Variants in DGKH observed in about 807,000 individuals in gnomAD.
DGKH encodes the protein DAG kinase eta.
Under a neutral mutation model 159.3 loss-of-function variants are expected in DGKH, and 90 were observed. The observed-to-expected ratio is 0.57, with a 90% confidence interval of 0.48 to 0.67. DGKH has a LOEUF of 0.67. Ranked by LOEUF, DGKH falls within the 30% of genes least tolerant of loss-of-function variation. DGKH has a pLI of 0.00. For missense variants in DGKH, 1,181 were observed against 1,506.1 expected, an observed-to-expected ratio of 0.78 and a Z score of 3.57; for synonymous variants, 536 against 553.8, an observed-to-expected ratio of 0.97 and a Z score of 0.45.
intron 15 of DGKH, among the ~76,000 whole-genome samples, chr13:42,189,948 G>A (rs890032219): frequency 2.0e-5 from 3 of 152,062 alleles, no homozygotes; most frequent in African/African-American, 7.2e-5. Context: ...GATTACAGGC[G>A]TGAACCACTG....
At position 42,209,085 on chromosome 13, in the gene DGKH, C is replaced by T. The variant is rs762280489; in HGVS notation, c.2715+13C>T. On this transcript the variant is annotated intron_variant, in intron 22 of 29. Coordinates refer to ENST00000337343, the MANE Select transcript of DGKH (RefSeq NM_178009.5). ...TCGAATAGCCCAGGTTGGTTTCTCT[C>T]GTCAAACCTGACTGCACTTCTTGGG... is the stretch of plus-strand genomic sequence containing the variant. 14 of 1,602,422 alleles carry T rather than the reference C, an allele frequency of 8.7e-6. No homozygotes were observed. In the Admixed American group the frequency reaches 1.7e-4, roughly 19 times the overall value.
Position 42,238,907 on chromosome 13 carries a change from A to T in DGKH, c.*9719A>T, listed in dbSNP as rs1473422633. 1 of 152,150 alleles carries T rather than the reference A, an allele frequency of 6.6e-6. No individual in the cohort carries two copies. The highest frequency in any genetic ancestry group is 1.5e-5 in the Non-Finnish European group (1 of 67,994). The allele number at this position is 152,150 out of a possible 1,614,324, so 9.4% of individuals were successfully genotyped here. ...GGTTTCTTTGCTAAATCTGATATTTATTATAGTATAATATGATAATTTGGA... is the reference window on the plus strand; with the variant it reads ...GGTTTCTTTGCTAAATCTGATATTTTTTATAGTATAATATGATAATTTGGA... On this transcript the variant is annotated 3_prime_UTR_variant, in exon 30 of 30. Coordinates refer to ENST00000337343, the MANE Select transcript of DGKH (RefSeq NM_178009.5).
At chr13:42,056,559 A>G (rs866105587) in intron 1 of DGKH, among the ~76,000 whole-genome samples, 1 of 152,224 alleles carries the variant, frequency 6.6e-6, no homozygotes, top group Non-Finnish European at 1.5e-5. Context: ...ACAGTTACCT[A>G]AATTTTATAA....
At chr13:42,224,010 C>T (rs1958055094) in intron 29 of DGKH, among the ~76,000 whole-genome samples, 1 of 152,164 alleles carries the variant, frequency 6.6e-6, no homozygotes, top group Non-Finnish European at 1.5e-5. Context: ...CTTCCCGTGT[C>T]TTCTTGTTTC....
chr13:42,254,626 C>T (rs140631838), intron 30 of DGKH, among the ~76,000 whole-genome samples: 234 of 146,792 alleles, frequency 1.6e-3, no homozygotes, highest in African/African-American at 5.3e-3. Flanking sequence ...AGCAAAGCTC[C>T]GTCAGAAAAA....
chr13:42,049,980 T>A (rs1177605342), intron 1 of DGKH, among the ~76,000 whole-genome samples: 2 of 152,342 alleles, frequency 1.3e-5, no homozygotes, highest in Admixed American at 6.5e-5. Context: ...GTACCGTTTT[T>A]AAAAATAAAT....
intron 1 of DGKH, among the ~76,000 whole-genome samples, chr13:42,109,807 C>T (rs1954828292): frequency 6.6e-6 from 1 of 152,110 alleles, no homozygotes; most frequent in Admixed American, 6.5e-5. Flanking sequence ...ATTTGATTCT[C>T]TTCATTTCTG....
intron 1 of DGKH, among the ~76,000 whole-genome samples, chr13:42,091,278 C>A (rs1301730695): frequency 2.0e-5 from 3 of 151,754 alleles, no homozygotes; most frequent in African/African-American, 7.3e-5. Flanking sequence ...GGATATGACA[C>A]CAAAACATAG....
At chr13:42,079,876 G>T (rs1282977011) in intron 1 of DGKH, among the ~76,000 whole-genome samples, 1 of 152,176 alleles carries the variant, frequency 6.6e-6, no homozygotes. Context: ...TTCCAAGAAT[G>T]GTGCATGGGT....
At chr13:42,098,813 T>A (rs1423406005) in intron 1 of DGKH, among the ~76,000 whole-genome samples, 1 of 152,252 alleles carries the variant, frequency 6.6e-6, no homozygotes, top group South Asian at 2.1e-4. Context: ...GTAATTATAT[T>A]CTTAAGCTAA....
upstream of DGKH, among the ~76,000 whole-genome samples, chr13:42,048,043 CT>C (rs1164438450): frequency 7.0e-6 from 1 of 143,632 alleles, no homozygotes; most frequent in Non-Finnish European, 1.5e-5. This position sits in a 1 kb window ranked among gnomAD's most constrained non-coding sequence, Gnocchi z 6.7. Context: ...GGGCCAGAAA[CT>C]GAACGCCGCC....
At chr13:42,163,823 T>G (rs931405512) in intron 7 of DGKH, among the ~76,000 whole-genome samples, 4 of 151,998 alleles carry the variant, frequency 2.6e-5, no homozygotes, top group African/African-American at 9.7e-5. Flanking sequence ...GCCTGTTCAC[T>G]CTGATGGTAG....
intron 1 of DGKH, among the ~76,000 whole-genome samples, chr13:42,068,228 A>T (rs1178265088): frequency 6.6e-6 from 1 of 152,214 alleles, no homozygotes; most frequent in Non-Finnish European, 1.5e-5. Flanking sequence ...AAACTAAGTT[A>T]ATTTTTATAA....
intron 1 of DGKH, among the ~76,000 whole-genome samples, chr13:42,067,651 C>A (rs1882674460): frequency 6.6e-6 from 1 of 152,016 alleles, no homozygotes; most frequent in Admixed American, 6.5e-5. Context: ...CACAACTGAT[C>A]TAGCAATTAA....
intron 29 of DGKH, among the ~76,000 whole-genome samples, chr13:42,249,374 G>A: frequency 6.6e-6 from 1 of 152,208 alleles, no homozygotes; most frequent in Admixed American, 6.5e-5. Context: ...TCATGCCACT[G>A]CACTCCTGCC....
intron 29 of DGKH, among the ~76,000 whole-genome samples, chr13:42,249,423 C>T (rs561235276): frequency 9.7e-4 from 148 of 152,212 alleles, no homozygotes; most frequent in African/African-American, 3.5e-3. Flanking sequence ...AACAAACAAA[C>T]AAACAAACAA....
chr13:42,190,356 G>A (rs1451901584), intron 15 of DGKH, 47 bp from the exon 16 acceptor site: 4 of 1,577,552 alleles, frequency 2.5e-6, no homozygotes, highest in African/African-American at 1.4e-5. Flanking sequence ...ATATTAATGG[G>A]CTTTATTTTC....
chr13:42,246,040 G>A (rs1000165076), downstream of DGKH, among the ~76,000 whole-genome samples: 18 of 152,296 alleles, frequency 1.2e-4, no homozygotes, highest in Admixed American at 5.9e-4. Flanking sequence ...TATAGTACTA[G>A]CAAGTTAGAA....
chr13:42,149,622 C>G (rs557621933), intron 3 of DGKH, among the ~76,000 whole-genome samples: 1 of 152,352 alleles, frequency 6.6e-6, no homozygotes, highest in East Asian at 1.9e-4. Flanking sequence ...ACCTTCTGCA[C>G]TTTGCTCACA....
Sources: gnomAD v4.1 joint callset for allele counts (sites outside exome capture counted in the v4.1 genomes callset) on GRCh38, gnomAD v4.1.1 for gene constraint, Gnocchi (gnomAD v3.1) non-coding constraint, MANE v1.5 for transcripts, NCBI Gene and HGNC (gene_info 2026-07-23, HGNC 2026-07-21) for gene names.